SUPT3H: variants seen among roughly 807,000 people sequenced by gnomAD.
SUPT3H encodes SPT3 homolog, SAGA and STAGA complex component.
SUPT3H carries 44 observed loss-of-function variants against 44.3 expected under a neutral mutation model. The ratio of observed to expected loss-of-function variants is 0.99; its 90% CI spans 0.78 to 1.28. SUPT3H has a LOEUF of 1.28. SUPT3H is among the 50% of genes most tolerant of loss of function. The probability of loss-of-function intolerance (pLI) is 0.00; values close to 1 mark genes in which losing one functional copy is unlikely to be tolerated. For missense variants in SUPT3H, 380 were observed against 387.1 expected (o/e 0.98, Z 0.15); for synonymous variants, 124 against 125.6 (o/e 0.99, Z 0.09).
Position 45,003,742 on chromosome 6 carries a change from C to T in SUPT3H, c.415G>A (p.Asp139Asn). 6.2e-7 allele frequency: 1 copy of T among 1,613,794 alleles called. No homozygotes were observed. The highest frequency in any genetic ancestry group is 1.3e-5 in the African/African-American group (1 of 75,024). ...NANKRQKIAQ[D>N]FLNSIDQTGE... is the part of the protein sequence containing the mutation. ...GTCTGGTCAATAGAGTTGAGGAAGT[C>T]CTGAGCAATCTTTTGTCTTTTGTTC... The change falls in exon 6 of 11, where the codon GAC becomes AAC. Residue 139 changes from aspartate (D) to asparagine (N), a missense_variant. Physicochemically the swap from Asp to Asn is conservative, Grantham distance 23. Coordinates refer to ENST00000371459, the MANE Select transcript of SUPT3H (RefSeq NM_003599.4).
At chr6:45,205,040 T>C (rs895227521) in intron 2 of SUPT3H, among the ~76,000 whole-genome samples, 9 of 152,324 alleles carry the variant, frequency 5.9e-5, no homozygotes, top group Non-Finnish European at 1.0e-4. Flanking sequence ...ATTTTAACTA[T>C]AGAAATAATA....
intron 2 of SUPT3H, among the ~76,000 whole-genome samples, chr6:45,319,136 T>G (rs1331330159): frequency 6.6e-6 from 1 of 152,100 alleles, no homozygotes; most frequent in Non-Finnish European, 1.5e-5. Context: ...GCTTTTTGGG[T>G]TTGTATATGT....
intron 1 of SUPT3H, among the ~76,000 whole-genome samples, chr6:45,372,545 A>G (rs1485436958): frequency 6.6e-6 from 1 of 152,206 alleles, no homozygotes; most frequent in Non-Finnish European, 1.5e-5. Context: ...TTAATGATTT[A>G]TATTTGTATG....
intron 6 of SUPT3H, among the ~76,000 whole-genome samples, chr6:44,981,903 C>A (rs1323208633): frequency 6.8e-6 from 1 of 147,514 alleles, no homozygotes; most frequent in Non-Finnish European, 1.5e-5. Context: ...TAGCTAGGGA[C>A]CATGGTGCGT....
chr6:45,301,934 T>G (rs901467354), intron 2 of SUPT3H, among the ~76,000 whole-genome samples: 2 of 152,142 alleles, frequency 1.3e-5, no homozygotes, highest in South Asian at 4.2e-4. Flanking sequence ...CACTAAACTT[T>G]AGCAGACAAA....
intron 2 of SUPT3H, among the ~76,000 whole-genome samples, chr6:45,275,339 T>A (rs1391648766): frequency 1.3e-5 from 2 of 152,186 alleles, no homozygotes; most frequent in African/African-American, 4.8e-5. Context: ...ATAATCTCTG[T>A]TATTTTTGAG....
At chr6:44,903,285 A>C (rs1474405282) in intron 10 of SUPT3H, among the ~76,000 whole-genome samples, 1 of 152,166 alleles carries the variant, frequency 6.6e-6, no homozygotes, top group Non-Finnish European at 1.5e-5. Context: ...GACCGCTAGC[A>C]AGACTAATAA....
chr6:44,974,898 C>T (rs542790645), intron 6 of SUPT3H, among the ~76,000 whole-genome samples: 1 of 152,256 alleles, frequency 6.6e-6, no homozygotes, highest in South Asian at 2.1e-4. Flanking sequence ...AGATAACTGG[C>T]TCAATGATGT....
chr6:45,273,170 GAGATATC>G (rs1313728007), intron 2 of SUPT3H, among the ~76,000 whole-genome samples: 1 of 152,172 alleles, frequency 6.6e-6, no homozygotes, highest in African/African-American at 2.4e-5. Flanking sequence ...TGAACCAATT[GAGATATC>G]TATGGTATTG....
intron 3 of SUPT3H, among the ~76,000 whole-genome samples, chr6:45,089,298 T>G (rs545566614): frequency 6.6e-6 from 1 of 152,158 alleles, no homozygotes; most frequent in South Asian, 2.1e-4. Flanking sequence ...ATCTATATGT[T>G]ACATTTCTTA....
intron 2 of SUPT3H, among the ~76,000 whole-genome samples, chr6:45,201,898 T>C (rs909087542): frequency 2.0e-5 from 3 of 151,962 alleles, no homozygotes; most frequent in Non-Finnish European, 4.4e-5. Context: ...ATTGTTCTGC[T>C]TAATTTGCAA....
intron 3 of SUPT3H, among the ~76,000 whole-genome samples, chr6:45,040,677 C>T (rs1788393258): frequency 6.6e-6 from 1 of 152,144 alleles, no homozygotes; most frequent in Non-Finnish European, 1.5e-5. Flanking sequence ...TTCTTATTTG[C>T]TCTCAAATAA....
At chr6:45,168,260 G>A (rs1174651234) in intron 2 of SUPT3H, among the ~76,000 whole-genome samples, 1 of 152,146 alleles carries the variant, frequency 6.6e-6, no homozygotes, top group Non-Finnish European at 1.5e-5. Flanking sequence ...CTAGGATACA[G>A]TAACGGGCTA....
At chr6:44,950,305 CT>C (rs1774081949) in intron 9 of SUPT3H, among the ~76,000 whole-genome samples, 1 of 152,132 alleles carries the variant, frequency 6.6e-6, no homozygotes, top group Non-Finnish European at 1.5e-5. Context: ...AAAAAAATTC[CT>C]TATCAGTCAC....
At chr6:45,360,315 G>C (rs1316760309) in intron 2 of SUPT3H, among the ~76,000 whole-genome samples, 1 of 152,158 alleles carries the variant, frequency 6.6e-6, no homozygotes, top group East Asian at 1.9e-4. Context: ...AAGTACTCAA[G>C]AGAGTGCCTG....
chr6:45,230,883 G>C (rs540705688), intron 2 of SUPT3H, among the ~76,000 whole-genome samples: 66 of 151,722 alleles, frequency 4.4e-4, no homozygotes, highest in African/African-American at 1.6e-3. Flanking sequence ...ATGTTGGCCA[G>C]GATGGTCTAG....
intron 3 of SUPT3H, among the ~76,000 whole-genome samples, chr6:45,053,527 G>C (rs903213162): frequency 5.3e-5 from 8 of 151,790 alleles, no homozygotes; most frequent in Admixed American, 3.9e-4. Context: ...TGAAAATTGA[G>C]AAAATAGCAG....
chr6:45,131,850 G>A (rs1562521509), intron 2 of SUPT3H, among the ~76,000 whole-genome samples: 1 of 152,082 alleles, frequency 6.6e-6, no homozygotes, highest in Non-Finnish European at 1.5e-5. Context: ...TTGGAACAAT[G>A]GTGGGTTTAC....
At chr6:45,328,523 T>G in intron 2 of SUPT3H, 2 of 1,562,122 alleles carry the variant, frequency 1.3e-6, no homozygotes, top group Non-Finnish European at 1.7e-6. Context: ...TTGCTCATTC[T>G]CTTTTTGTTT....
Sources: allele counts gnomAD v4.1 joint callset (sites outside exome capture counted in the v4.1 genomes callset), GRCh38; gene constraint gnomAD v4.1.1; transcripts MANE v1.5; gene names NCBI Gene and HGNC (gene_info 2026-07-23, HGNC 2026-07-21).